KCNMA1: variants seen among roughly 807,000 people sequenced by gnomAD.
KCNMA1 encodes potassium calcium-activated channel subfamily M alpha 1.
Under a neutral mutation model 140.0 loss-of-function variants are expected in KCNMA1, and 29 were observed. The ratio of observed to expected loss-of-function variants is 0.21; its 90% CI spans 0.15 to 0.28. The LOEUF is 0.28. Ranked by LOEUF, KCNMA1 falls within the 10% of genes least tolerant of loss-of-function variation. The pLI is 1.00. For missense variants in KCNMA1, 880 were observed against 1,602.2 expected, an observed-to-expected ratio of 0.55 and a Z score of 7.70; for synonymous variants, 612 against 611.9, an observed-to-expected ratio of 1.00 and a Z score of 0.00.
intron 19 of KCNMA1, among the ~76,000 whole-genome samples, chr10:76,990,482 A>G (rs1236345636): frequency 1.3e-5 from 2 of 152,188 alleles, no homozygotes; most frequent in African/African-American, 4.8e-5. Context: ...TCCCATCTTC[A>G]TCTTAATAGA....
At chr10:77,171,652 C>G (rs1165285827) in intron 5 of KCNMA1, among the ~76,000 whole-genome samples, 2 of 152,066 alleles carry the variant, frequency 1.3e-5, no homozygotes, top group Admixed American at 1.3e-4. Context: ...TAACATACTG[C>G]CAAGATCATT....
At position 76,914,868 on chromosome 10, in the gene KCNMA1, C is replaced by G. The variant is rs1161229245; in HGVS notation, c.3016+68G>C. Reference sequence around the variant, plus strand: ...TGAAAGGGCTAAGAAATAAACCAACCTCCTCATATCCTGTATGGTTTGAAA... The same window carrying G: ...TGAAAGGGCTAAGAAATAAACCAACGTCCTCATATCCTGTATGGTTTGAAA... On this transcript the variant is annotated intron_variant, in intron 24 of 27. Coordinates refer to ENST00000286628, the MANE Select transcript of KCNMA1 (RefSeq NM_001161352.2). The G allele has an allele frequency of 6.0e-6, 7 of 1,168,902 alleles. No homozygotes were observed. In the African/African-American group the frequency reaches 1.1e-4, roughly 18 times the overall value. 72.4% of individuals were successfully genotyped at this position (1,168,902 alleles called of 1,614,324 possible).
intron 3 of KCNMA1, among the ~76,000 whole-genome samples, chr10:77,218,555 G>C (rs2048537056): frequency 6.6e-6 from 1 of 152,082 alleles, no homozygotes; most frequent in South Asian, 2.1e-4. Context: ...AGTCTCCTCT[G>C]AGCTAAGGGT....
intron 25 of KCNMA1, among the ~76,000 whole-genome samples, chr10:76,893,669 G>A (rs374842007): frequency 7.9e-5 from 12 of 152,246 alleles, no homozygotes; most frequent in East Asian, 5.8e-4. Context: ...GAACCCGGGC[G>A]GCAGATGTTG....
intron 2 of KCNMA1, among the ~76,000 whole-genome samples, chr10:77,259,933 A>T (rs2061600138): frequency 6.6e-6 from 1 of 152,220 alleles, no homozygotes; most frequent in Non-Finnish European, 1.5e-5. Context: ...CTCAATCAGT[A>T]TTTGTTAAAT....
chr10:77,282,914 C>G (rs2069207175), intron 2 of KCNMA1, among the ~76,000 whole-genome samples: 1 of 152,192 alleles, frequency 6.6e-6, no homozygotes, highest in South Asian at 2.1e-4. Flanking sequence ...GAAAGAAACA[C>G]AAGTGATTGT....
intron 20 of KCNMA1, among the ~76,000 whole-genome samples, chr10:76,958,152 GA>G (rs1315877218): frequency 6.6e-6 from 1 of 152,192 alleles, no homozygotes; most frequent in African/African-American, 2.4e-5. Context: ...TTGTTGTATG[GA>G]AAGGAGGATC....
chr10:76,996,170 G>A (rs1462388077), intron 19 of KCNMA1, among the ~76,000 whole-genome samples: 1 of 152,162 alleles, frequency 6.6e-6, no homozygotes. Context: ...CAGTGTGTTG[G>A]GAGCTCTTGA....
intron 1 of KCNMA1, among the ~76,000 whole-genome samples, chr10:77,537,434 C>T (rs1331025691): frequency 6.6e-6 from 1 of 152,194 alleles, no homozygotes; most frequent in Non-Finnish European, 1.5e-5. Flanking sequence ...CCACCTTCCC[C>T]AAACCATGGA....
intron 9 of KCNMA1, chr10:77,090,804 G>A (rs2096795381): frequency 6.1e-6 from 3 of 489,854 alleles, no homozygotes; most frequent in Non-Finnish European, 7.5e-6. Flanking sequence ...AACAATAAGT[G>A]ACATTATGCT....
At chr10:77,188,103 TAGG>T (rs2098894894) in intron 3 of KCNMA1, among the ~76,000 whole-genome samples, 1 of 151,990 alleles carries the variant, frequency 6.6e-6, no homozygotes, top group Non-Finnish European at 1.5e-5. Flanking sequence ...TTGTGTAAAG[TAGG>T]AGGAGTTTCC....
intron 3 of KCNMA1, among the ~76,000 whole-genome samples, chr10:77,240,514 C>T (rs906964467): frequency 2.0e-5 from 3 of 152,104 alleles, no homozygotes; most frequent in African/African-American, 4.8e-5. Context: ...CAATTCAAGA[C>T]CAGAAAGAGA....
intron 14 of KCNMA1, among the ~76,000 whole-genome samples, chr10:77,047,423 T>G (rs2095128351): frequency 6.6e-6 from 1 of 152,156 alleles, no homozygotes; most frequent in Non-Finnish European, 1.5e-5. Context: ...TACATGGTAT[T>G]TTCCCTCACT....
chr10:77,058,201 T>G (rs2095613002), intron 14 of KCNMA1, among the ~76,000 whole-genome samples: 1 of 151,714 alleles, frequency 6.6e-6, no homozygotes. Flanking sequence ...GATAAAAAGG[T>G]CAATTCACCA....
At chr10:77,596,142 A>G (rs2080868042) in intron 1 of KCNMA1, among the ~76,000 whole-genome samples, 2 of 152,136 alleles carry the variant, frequency 1.3e-5, no homozygotes, top group Non-Finnish European at 2.9e-5. Context: ...AAAATAAATC[A>G]CGTCTCACCC....
chr10:76,972,354 C>T (rs777669012), intron 19 of KCNMA1, among the ~76,000 whole-genome samples: 10 of 152,204 alleles, frequency 6.6e-5, no homozygotes, highest in Non-Finnish European at 1.3e-4. Context: ...TCCAGTTACA[C>T]AATGAATCTA....
chr10:77,587,804 G>A (rs1421627913), intron 1 of KCNMA1: 1 of 985,164 alleles, frequency 1.0e-6, no homozygotes, highest in African/African-American at 1.7e-5. Context: ...TCAGATGCAG[G>A]GCCCCAGGTG....
rs767470741 is a variant in KCNMA1 at position 77,251,267 on chromosome 10, AGAG to A, written c.541-14_541-12del. On this transcript the variant is annotated splice_polypyrimidine_tract_variant and intron_variant, in intron 2 of 27. Transcript: ENST00000286628. ...AAAGACTAAGACAACCTGTAAAAGA[AGAG>A]GAGAATGCCATCACTTAAGAGTTGG... is the stretch of plus-strand genomic sequence containing the variant. 4 of 1,608,520 alleles carry A rather than the reference AGAG, an allele frequency of 2.5e-6. No individual in the cohort carries two copies. The Admixed American group carries it at 5.0e-5, about 20-fold the overall frequency.
intron 1 of KCNMA1, among the ~76,000 whole-genome samples, chr10:77,592,075 G>A (rs991336588): frequency 3.9e-5 from 6 of 152,162 alleles, no homozygotes; most frequent in Non-Finnish European, 8.8e-5. Flanking sequence ...ACAAGTGAAC[G>A]AGACCAATGA....
Sources: gnomAD v4.1 joint callset for allele counts (sites outside exome capture counted in the v4.1 genomes callset) on GRCh38, gnomAD v4.1.1 for gene constraint, MANE v1.5 for transcripts, NCBI Gene and HGNC (gene_info 2026-07-23, HGNC 2026-07-21) for gene names.